The following RYR2 variants were observed in gnomAD, a reference collection of about 807,000 sequenced individuals.
RYR2 encodes cardiac muscle ryanodine receptor-calcium release channel.
Under a neutral mutation model 601.1 loss-of-function variants are expected in RYR2, and 227 were observed. The observed-to-expected ratio is 0.38, with a 90% CI of 0.34 to 0.42. The LOEUF (loss-of-function observed/expected upper bound fraction) is 0.42, where lower values mean the gene tolerates loss of function less well. RYR2 is among the 10% of genes least tolerant of loss of function. The pLI is 1.00. For missense variants in RYR2, 4,646 were observed against 6,156.5 expected, an observed-to-expected ratio of 0.75 and a Z score of 8.21; for synonymous variants, 2,223 against 2,175.1, an observed-to-expected ratio of 1.02 and a Z score of -0.61.
At chr1:237,690,128 T>A (rs180844468) in intron 63 of RYR2, among the ~76,000 whole-genome samples, 55 of 152,294 alleles carry the variant, frequency 3.6e-4, no homozygotes, top group African/African-American at 1.3e-3. Flanking sequence ...TGAGCCACCG[T>A]GCCTGGCCAA....
At chr1:237,282,492 C>T (rs1047568542) in intron 2 of RYR2, among the ~76,000 whole-genome samples, 6 of 152,086 alleles carry the variant, frequency 3.9e-5, no homozygotes, top group African/African-American at 1.4e-4. Context: ...CTTAGCCCAG[C>T]TCTAACATAT....
chr1:237,309,670 T>C (rs1694311794), intron 2 of RYR2, among the ~76,000 whole-genome samples: 1 of 152,112 alleles, frequency 6.6e-6, no homozygotes, highest in Non-Finnish European at 1.5e-5. Flanking sequence ...CCAGGCGCCA[T>C]GGAGCAGGGG....
intron 69 of RYR2, 128 bp downstream of exon 69, chr1:237,709,226 A>G: frequency 2.2e-6 from 2 of 903,464 alleles, no homozygotes; most frequent in Non-Finnish European, 3.3e-6. Flanking sequence ...TTAACTGTTT[A>G]TAGGCAAGTT....
chr1:237,668,099 G>A, intron 58 of RYR2, 141 bp downstream of exon 58: 2 of 610,104 alleles, frequency 3.3e-6, no homozygotes, highest in Non-Finnish European at 5.5e-6. Context: ...ACAGATTGAA[G>A]TTGGAAATGC....
At chr1:237,192,368 C>T (rs970708035) in intron 1 of RYR2, among the ~76,000 whole-genome samples, 1 of 151,966 alleles carries the variant, frequency 6.6e-6, no homozygotes, top group African/African-American at 2.4e-5. Flanking sequence ...GCCCACCACG[C>T]CCGGCTAATT....
intron 29 of RYR2, among the ~76,000 whole-genome samples, chr1:237,571,476 C>T (rs185564237): frequency 3.8e-3 from 577 of 151,918 alleles, no homozygotes; most frequent in Admixed American, 7.9e-3. Context: ...CAACACGCCT[C>T]GCTAATTTTT....
chr1:237,264,078 CACACAT>C (rs1446601366), intron 1 of RYR2, among the ~76,000 whole-genome samples: 1 of 131,196 alleles, frequency 7.6e-6, no homozygotes, highest in East Asian at 2.1e-4. Flanking sequence ...AATGTACAAA[CACACAT>C]GCACATGCAC....
chr1:237,113,487 A>G (rs1669727013), intron 1 of RYR2, among the ~76,000 whole-genome samples: 1 of 152,122 alleles, frequency 6.6e-6, no homozygotes, highest in African/African-American at 2.4e-5. Flanking sequence ...GGCATGAGCC[A>G]TCGTGTCCAG....
At chr1:237,325,721 TA>T (rs1243406101) in intron 2 of RYR2, among the ~76,000 whole-genome samples, 1 of 151,168 alleles carries the variant, frequency 6.6e-6, no homozygotes, top group African/African-American at 2.4e-5. Flanking sequence ...AAAAATATAT[TA>T]AAAAAAGAAA....
At chr1:237,613,716 CT>C (rs1415999267) in intron 36 of RYR2, among the ~76,000 whole-genome samples, 1 of 152,182 alleles carries the variant, frequency 6.6e-6, no homozygotes, top group Non-Finnish European at 1.5e-5. Flanking sequence ...ATCCAAAAAT[CT>C]GAAATTCGAA....
At chr1:237,159,530 T>C (rs561151205) in intron 1 of RYR2, among the ~76,000 whole-genome samples, 1 of 151,496 alleles carries the variant, frequency 6.6e-6, no homozygotes, top group East Asian at 2.0e-4. Context: ...CATACTTACT[T>C]AAATGTGAAC....
intron 11 of RYR2, among the ~76,000 whole-genome samples, chr1:237,422,008 T>C (rs1176570180): frequency 2.6e-5 from 4 of 152,178 alleles, no homozygotes; most frequent in Admixed American, 2.0e-4. Flanking sequence ...TTTTCTTGCG[T>C]GCTTTGATCT....
intron 1 of RYR2, among the ~76,000 whole-genome samples, chr1:237,237,393 G>T (rs1411022513): frequency 6.6e-6 from 1 of 152,124 alleles, no homozygotes; most frequent in Non-Finnish European, 1.5e-5. Flanking sequence ...TGACTGAATG[G>T]ACCTCGCTCT....
At chr1:237,281,955 G>T (rs1481010801) in intron 2 of RYR2, among the ~76,000 whole-genome samples, 1 of 151,832 alleles carries the variant, frequency 6.6e-6, no homozygotes, top group Admixed American at 6.6e-5. Context: ...CAGAGGGCCC[G>T]CTGCCACCGT....
At chr1:237,045,491 C>T (rs566837356) in intron 1 of RYR2, among the ~76,000 whole-genome samples, 2 of 152,242 alleles carry the variant, frequency 1.3e-5, no homozygotes, top group Admixed American at 1.3e-4. Context: ...GATTCAGTGG[C>T]TCCCCCATCT....
rs1462558651 is a variant in RYR2 at position 237,614,073 on chromosome 1, G to C, written c.4945G>C (p.Glu1649Gln). 1 of 1,613,860 alleles carries C rather than the reference G, an allele frequency of 6.2e-7. No individual in the cohort carries two copies. The highest frequency in any genetic ancestry group is 1.3e-5 in the African/African-American group (1 of 75,040). Residue 1649 changes from glutamate to glutamine, a missense_variant, in exon 37 of 105, where the codon GAA becomes CAA. By Grantham distance (29) the Glu-to-Gln change is conservative. Around this residue, in one of 17 missense-constraint regions of RYR2, gnomAD observed 1,807 missense variants for 2,088.1 expected, o/e 0.87. Coordinates refer to ENST00000366574, the MANE Select transcript of RYR2 (RefSeq NM_001035.3). This position sits in a 1 kb window ranked among gnomAD's most constrained non-coding sequence, Gnocchi z 4.3. ...CATCTTAGAGTTGACAGAGCAGGAGGAATTGCTGAAATTTCACTATCACAC... is the reference window on the plus strand; with the variant it reads ...CATCTTAGAGTTGACAGAGCAGGAGCAATTGCTGAAATTTCACTATCACAC... ...VDILELTEQE[E>Q]LLKFHYHTLR...
intron 67 of RYR2, among the ~76,000 whole-genome samples, chr1:237,705,946 T>A (rs1237890477): frequency 6.6e-6 from 1 of 152,022 alleles, no homozygotes; most frequent in East Asian, 1.9e-4. Context: ...CTAAAGATAA[T>A]CAGCATTTGA....
At chr1:237,832,156 A>C (rs755175222) in intron 104 of RYR2, among the ~76,000 whole-genome samples, 1 of 151,708 alleles carries the variant, frequency 6.6e-6, no homozygotes, top group Non-Finnish European at 1.5e-5. Context: ...CTCCTGTTTC[A>C]GCCCCACAAG....
At chr1:237,669,737 T>G (rs911605236) in intron 58 of RYR2, among the ~76,000 whole-genome samples, 1 of 145,206 alleles carries the variant, frequency 6.9e-6, no homozygotes, top group East Asian at 2.1e-4. Flanking sequence ...TGATGGCGGC[T>G]GGGAAGAGGC....
Sources: gnomAD v4.1 joint callset for allele counts (sites outside exome capture counted in the v4.1 genomes callset) on GRCh38, gnomAD v4.1.1 for gene constraint, gnomAD v4.1.1 regional missense constraint, Gnocchi (gnomAD v3.1) non-coding constraint, MANE v1.5 for transcripts, NCBI Gene and HGNC (gene_info 2026-07-23, HGNC 2026-07-21) for gene names.